SNRPD1: variants seen among roughly 807,000 people sequenced by gnomAD.
SNRPD1 encodes the protein small nuclear ribonucleoprotein Sm D1.
A neutral mutation model predicts 14.4 loss-of-function variants in SNRPD1; 1 was observed. That is an observed-to-expected ratio of 0.07 (90% confidence interval 0.02 to 0.33). The LOEUF is 0.33. SNRPD1 is among the 10% of genes least tolerant of loss of function. The probability of loss-of-function intolerance (pLI) is 1.00; values close to 1 mark genes in which losing one functional copy is unlikely to be tolerated. For synonymous variants in SNRPD1, 42 were observed against 50.3 expected (o/e 0.83, Z 0.70); for missense variants, 52 against 146.4 (o/e 0.36, Z 3.33).
rs2146265077 is a variant in SNRPD1 at position 21,632,553 on chromosome 18, CAG to C, written c.*3416_*3417del. The C allele has an allele frequency of 6.6e-6, 1 of 152,102 alleles. No individual in the cohort carries two copies. The highest frequency in any genetic ancestry group is 2.4e-5 in the African/African-American group (1 of 41,510). 9.4% of individuals were successfully genotyped at this position (152,102 alleles called of 1,614,324 possible). On this transcript the variant is annotated 3_prime_UTR_variant, in exon 4 of 4. Transcript: ENST00000300413. ...ACAGTTTAAATGTAATAATAAATCA[CAG>C]TGGGTACTAGATTGAGTTTATTCCA...
rs1298734131 is a variant in SNRPD1 at position 21,631,124 on chromosome 18, G to A, written c.*1986G>A. ...GATGTATGAAATTCATGATGATTAA[G>A]ACAATTTTTTCTTTCTTTCTTTTGA... On this transcript the variant is annotated 3_prime_UTR_variant, in exon 4 of 4. Coordinates refer to ENST00000300413, the MANE Select transcript of SNRPD1 (RefSeq NM_006938.4). 1 of 151,778 alleles carries A rather than the reference G, an allele frequency of 6.6e-6. No individual in the cohort carries two copies. The highest frequency in any genetic ancestry group is 1.5e-5 in the Non-Finnish European group (1 of 67,950). The allele number at this position is 151,778 out of a possible 1,614,324, so 9.4% of individuals were successfully genotyped here.
intron 1 of SNRPD1, among the ~76,000 whole-genome samples, chr18:21,613,098 C>T (rs1751602858): frequency 6.6e-6 from 1 of 152,106 alleles, no homozygotes; most frequent in Admixed American, 6.6e-5. Flanking sequence ...AGGAAAATCT[C>T]CCAATATAGG....
chr18:21,630,913 AT>A lies in SNRPD1; in HGVS notation c.*1776del, dbSNP rs1378291352. The A allele has an allele frequency of 6.7e-6, 1 of 150,318 alleles. No individual in the cohort carries two copies. 9.3% of individuals were successfully genotyped at this position (150,318 alleles called of 1,614,324 possible). A position where few individuals can be genotyped will look rare whatever the true frequency, so the allele number is the denominator to read the frequency against. ...TAAATGTATATATTGGTATAAATAA[AT>A]ACTAGATATATATTTTTTTAAGTAT... On this transcript the variant is annotated 3_prime_UTR_variant, in exon 4 of 4. Coordinates refer to ENST00000300413, the MANE Select transcript of SNRPD1 (RefSeq NM_006938.4).
At chr18:21,620,486 A>G (rs2038989407) in intron 1 of SNRPD1, among the ~76,000 whole-genome samples, 1 of 152,228 alleles carries the variant, frequency 6.6e-6, no homozygotes, top group Non-Finnish European at 1.5e-5. Context: ...TGAAGTGAGA[A>G]GTGGATAGAT....
intron 1 of SNRPD1, among the ~76,000 whole-genome samples, chr18:21,613,102 A>G (rs761888180): frequency 6.6e-6 from 1 of 152,208 alleles, no homozygotes; most frequent in African/African-American, 2.4e-5. Flanking sequence ...AAATCTCCCA[A>G]TATAGGGCAG....
At chr18:21,616,903 G>T (rs1273402646) in intron 1 of SNRPD1, among the ~76,000 whole-genome samples, 1 of 150,154 alleles carries the variant, frequency 6.7e-6, no homozygotes, top group Non-Finnish European at 1.5e-5. Flanking sequence ...GGCCAGGCTG[G>T]TCTCGATCTC....
At chr18:21,617,272 A>C (rs555329113) in intron 1 of SNRPD1, among the ~76,000 whole-genome samples, 1 of 151,980 alleles carries the variant, frequency 6.6e-6, no homozygotes, top group Non-Finnish European at 1.5e-5. Flanking sequence ...CCTGACCAAC[A>C]TGGTGAAACC....
intron 1 of SNRPD1, among the ~76,000 whole-genome samples, chr18:21,618,303 A>G (rs1464477164): frequency 6.6e-6 from 1 of 151,924 alleles, no homozygotes; most frequent in Non-Finnish European, 1.5e-5. Context: ...GCATGGTGGC[A>G]TAGTCTCAGA....
chr18:21,613,322 A>G (rs1024493969), intron 1 of SNRPD1, among the ~76,000 whole-genome samples: 4 of 152,234 alleles, frequency 2.6e-5, no homozygotes, highest in African/African-American at 9.6e-5. Flanking sequence ...CGTTTCTAAT[A>G]GCTAAGCCAG....
chr18:21,625,947 T>C (rs2039035490), intron 3 of SNRPD1, among the ~76,000 whole-genome samples: 1 of 152,174 alleles, frequency 6.6e-6, no homozygotes, highest in Non-Finnish European at 1.5e-5. Context: ...TGCTTTTCTT[T>C]GTTCCTCTGG....
intron 1 of SNRPD1, among the ~76,000 whole-genome samples, chr18:21,615,748 G>A (rs888246894): frequency 5.9e-5 from 9 of 152,170 alleles, no homozygotes; most frequent in Non-Finnish European, 1.0e-4. Context: ...ACAAATTTTC[G>A]TGGGTAAATA....
intron 1 of SNRPD1, among the ~76,000 whole-genome samples, chr18:21,617,756 A>G (rs997700808): frequency 1.4e-4 from 22 of 152,124 alleles, no homozygotes; most frequent in East Asian, 1.9e-4. Flanking sequence ...TCATCGTAGC[A>G]CTTTGTGAGG....
chr18:21,629,100 C>T lies in SNRPD1; in HGVS notation c.322C>T (p.Arg108Cys). ...CAGAGGAAGAGGAAGAGGAAGAGGA[C>T]GTGGCCGTGGCAGAGGAAGAGGGGG... ...RGRGRGRGRG[R>C]GRGRGRGGPR... is the part of the protein sequence containing the mutation. The change falls in exon 4 of 4, where the codon CGT becomes TGT. Residue 108 changes from arginine to cysteine, a missense_variant. Coordinates refer to ENST00000300413, the MANE Select transcript of SNRPD1 (RefSeq NM_006938.4). The T allele has an allele frequency of 3.1e-6, 5 of 1,613,736 alleles. No homozygotes were observed. The highest frequency in any genetic ancestry group is 1.7e-5 in the Admixed American group (1 of 59,970).
chr18:21,625,679 C>T (rs764961366), intron 3 of SNRPD1, among the ~76,000 whole-genome samples: 1 of 152,092 alleles, frequency 6.6e-6, no homozygotes, highest in Non-Finnish European at 1.5e-5. Flanking sequence ...GGCGCGATCT[C>T]GGCTCACTGC....
At chr18:21,625,419 C>T (rs1208642579) in intron 3 of SNRPD1, among the ~76,000 whole-genome samples, 3 of 149,064 alleles carry the variant, frequency 2.0e-5, no homozygotes, top group African/African-American at 5.0e-5. Flanking sequence ...TGGGTTCAAG[C>T]GATTCTTCTG....
At chr18:21,623,281 C>T (rs550343889) in intron 2 of SNRPD1, among the ~76,000 whole-genome samples, 24 of 152,228 alleles carry the variant, frequency 1.6e-4, no homozygotes, top group Admixed American at 1.2e-3. Context: ...TTGGTAGAGA[C>T]GGGGTTTCAT....
In SNRPD1 at chr18:21,631,152, CAG is replaced by C. The variant is rs2039080424; in HGVS notation, c.*2017_*2018del. On this transcript the variant is annotated 3_prime_UTR_variant, in exon 4 of 4. Transcript: ENST00000300413. ...AATTTTTTCTTTCTTTCTTTTGAGACAGAGTCTTGCTGTGTCACCCAGGCTGG... is the reference window on the plus strand; with the variant it reads ...AATTTTTTCTTTCTTTCTTTTGAGACAGTCTTGCTGTGTCACCCAGGCTGG... 1 of 152,030 alleles carries C rather than the reference CAG, an allele frequency of 6.6e-6. No individual in the cohort carries two copies. Among genetic ancestry groups the C allele is most frequent in the African/African-American group, 2.4e-5 (1 of 41,498 alleles). The allele number at this position is 152,030 out of a possible 1,614,324, so 9.4% of individuals were successfully genotyped here.
At chr18:21,626,946 T>A (rs944142609) in intron 3 of SNRPD1, among the ~76,000 whole-genome samples, 1 of 138,530 alleles carries the variant, frequency 7.2e-6, no homozygotes, top group Admixed American at 7.2e-5. Flanking sequence ...AATGTTTGGA[T>A]TTTTTTTTTT....
chr18:21,632,845 CTTTTCTTTTCT>C lies in SNRPD1; in HGVS notation c.*3712_*3722del. On this transcript the variant is annotated 3_prime_UTR_variant, in exon 4 of 4. Coordinates refer to ENST00000300413, the MANE Select transcript of SNRPD1 (RefSeq NM_006938.4). ...AGTTTTTTTTCTTTTCTTTTCTTTT[CTTTTCTTTTCT>C]TTTTTTTTTTTTGAGACAGAGTCTA... is the stretch of plus-strand genomic sequence containing the variant. The C allele has an allele frequency of 6.6e-6, 1 of 151,922 alleles. No individual in the cohort carries two copies. The highest frequency in any genetic ancestry group is 1.4e-5 in the Non-Finnish European group (1 of 69,634). The allele number at this position is 151,922 out of a possible 1,614,324, so 9.4% of individuals were successfully genotyped here. A position where few individuals can be genotyped will look rare whatever the true frequency, so the allele number is the denominator to read the frequency against.
Sources: allele counts gnomAD v4.1 joint callset (sites outside exome capture counted in the v4.1 genomes callset), GRCh38; gene constraint gnomAD v4.1.1; transcripts MANE v1.5; gene names NCBI Gene and HGNC (gene_info 2026-07-23, HGNC 2026-07-21).